The following USP42 variants were observed in gnomAD, a reference collection of about 807,000 sequenced individuals.
USP42 encodes ubiquitin carboxyl-terminal hydrolase 42.
Under a neutral mutation model 113.0 loss-of-function variants are expected in USP42, and 23 were observed. The ratio of observed to expected loss-of-function variants is 0.20; its 90% CI spans 0.15 to 0.29. USP42 has a LOEUF of 0.29. Ranked by LOEUF, USP42 falls within the 10% of genes least tolerant of loss-of-function variation. USP42 has a pLI of 1.00. For missense variants in USP42, 2,174 were observed against 1,779.8 expected, an observed-to-expected ratio of 1.22 and a Z score of -3.99; for synonymous variants, 933 against 699.0, an observed-to-expected ratio of 1.33 and a Z score of -5.28.
At chr7:6,099,693 T>A in the USP42 span, among the ~76,000 whole-genome samples, 3 of 150,346 alleles carry the variant, frequency 2.0e-5, no homozygotes, top group African/African-American at 7.5e-5. Context: ...CCGGGCACAG[T>A]GGCTCATGCC....
rs1562841491 is a variant in USP42, at chr7:6,145,574, A to G, written c.1049A>G (p.Glu350Gly). Reference sequence around the variant, plus strand: ...CCATATATGTCTCAACCCAACGGAGAGCCAATTGTCTACGTCTTGTATGCA... The same window carrying G: ...CCATATATGTCTCAACCCAACGGAGGGCCAATTGTCTACGTCTTGTATGCA... ...IRPYMSQPNG[E>G]PIVYVLYAVL... The change falls in exon 10 of 18, where the codon GAG becomes GGG. Residue 350 changes from glutamate to glycine, a missense_variant. Glu to Gly is a moderately conservative substitution (Grantham distance 98, BLOSUM62 -2). Coordinates refer to ENST00000306177, the MANE Select transcript of USP42 (RefSeq NM_032172.3). 1 of 1,613,958 alleles carries G rather than the reference A, an allele frequency of 6.2e-7. No individual in the cohort carries two copies. The highest frequency in any genetic ancestry group is 8.5e-7 in the Non-Finnish European group (1 of 1,179,880).
chr7:6,103,738 CA>C (rs398066574), upstream of USP42, among the ~76,000 whole-genome samples: 52,759 of 100,602 alleles, frequency 0.52, 13,259 homozygotes, highest in Middle Eastern at 0.73. Context: ...CCCGTCTCTA[CA>C]AAAAAAAAAA....
At chr7:6,136,527 G>A (rs1237417733) in intron 4 of USP42, among the ~76,000 whole-genome samples, 2 of 152,104 alleles carry the variant, frequency 1.3e-5, no homozygotes, top group African/African-American at 4.8e-5. Flanking sequence ...AAATCAATAT[G>A]TTAAAATAAT....
At chr7:6,130,347 GC>G (rs1336496486) in intron 3 of USP42, among the ~76,000 whole-genome samples, 9 of 152,230 alleles carry the variant, frequency 5.9e-5, no homozygotes, top group African/African-American at 2.2e-4. Flanking sequence ...GGAAGTTCCT[GC>G]TCCCCACATG....
the USP42 span, among the ~76,000 whole-genome samples, chr7:6,093,955 T>C: frequency 6.7e-6 from 1 of 148,568 alleles, no homozygotes; most frequent in Non-Finnish European, 1.5e-5. Flanking sequence ...CATGGCGCGA[T>C]GTGGGCTCAC....
chr7:6,114,969 C>T (rs1007105947), intron 2 of USP42, among the ~76,000 whole-genome samples: 4 of 151,858 alleles, frequency 2.6e-5, no homozygotes, highest in East Asian at 1.9e-4. Context: ...GGATTATAGG[C>T]GTGAGCCACT....
At position 6,160,959 on chromosome 7, in the gene USP42, T is replaced by A. The variant is rs1229301802; in HGVS notation, c.*441T>A. 6.6e-6 allele frequency: 1 copy of A among 152,666 alleles called. No individual in the cohort carries two copies. The highest frequency in any genetic ancestry group is 6.5e-5 in the Admixed American group (1 of 15,286). The allele number at this position is 152,666 out of a possible 1,614,324, so 9.5% of individuals were successfully genotyped here. A position where few individuals can be genotyped will look rare whatever the true frequency, so the allele number is the denominator to read the frequency against. The stretch of plus-strand genomic sequence containing the variant: ...GTGTATATTTAATTTAAAGACTTAT[T>A]TAAAAACTCACAAGCTCTCACCTAG... On this transcript the variant is annotated 3_prime_UTR_variant, in exon 18 of 18. Transcript: ENST00000306177.
rs752737907 is a variant in USP42 at position 6,150,118 on chromosome 7, C to G, written c.1922C>G (p.Ala641Gly). The G allele has an allele frequency of 3.1e-6, 5 of 1,612,674 alleles. No homozygotes were observed. The East Asian group carries it at 6.7e-5, about 22-fold the overall frequency. ...AGCTCCCACTCTCCCGGCCAAGATGCCGAAGATGAGGAGGCCACTCCGCAC... is the reference window on the plus strand; with the variant it reads ...AGCTCCCACTCTCCCGGCCAAGATGGCGAAGATGAGGAGGCCACTCCGCAC... ...IVSSHSPGQD[A>G]EDEEATPHEL... The change falls in exon 13 of 18, where the codon GCC becomes GGC. Residue 641 changes from alanine (A) to glycine (G), a missense_variant. Ala to Gly is a moderately conservative substitution (Grantham distance 60). Transcript: ENST00000306177.
chr7:6,102,448 T>C (rs1003295394), upstream of USP42, among the ~76,000 whole-genome samples: 3 of 149,292 alleles, frequency 2.0e-5, no homozygotes, highest in Non-Finnish European at 3.0e-5. Context: ...GAGGGACCAG[T>C]TTGTCAACAG....
At chr7:6,116,741 G>T (rs1467230133) in intron 3 of USP42, 1 of 531,626 alleles carries the variant, frequency 1.9e-6, no homozygotes, top group Non-Finnish European at 3.9e-6. Context: ...ACCTAGGGGT[G>T]TTTGTTATGC....
At chr7:6,128,681 G>C (rs1020711277) in intron 3 of USP42, among the ~76,000 whole-genome samples, 5 of 150,840 alleles carry the variant, frequency 3.3e-5, no homozygotes, top group African/African-American at 1.2e-4. Flanking sequence ...AAGACTTAAG[G>C]CTTATTCTGC....
the USP42 span, chr7:6,084,323 AG>A: frequency 6.6e-6 from 1 of 151,414 alleles, no homozygotes; most frequent in Non-Finnish European, 1.5e-5. Context: ...CACCACACCC[AG>A]CCCTGAAGAG....
Position 6,142,960 on chromosome 7 carries a change from A to G in USP42, c.824A>G (p.Glu275Gly). ...KAAQSVNKAL[E>G]QFVKPEQLDG... ...GCTCAGAGTGTCAACAAGGCATTGG[A>G]GCAGTTTGTGAAGCCGGAACAGCTT... is the stretch of plus-strand genomic sequence containing the variant. The change falls in exon 8 of 18, where the codon GAG becomes GGG. Residue 275 changes from glutamate to glycine, a missense_variant. Coordinates refer to ENST00000306177, the MANE Select transcript of USP42 (RefSeq NM_032172.3). The G allele has an allele frequency of 6.2e-7, 1 of 1,613,928 alleles. No homozygotes were observed. The highest frequency in any genetic ancestry group is 8.5e-7 in the Non-Finnish European group (1 of 1,179,874).
intron 3 of USP42, among the ~76,000 whole-genome samples, chr7:6,119,784 G>T (rs1160329214): frequency 6.6e-6 from 1 of 151,846 alleles, no homozygotes; most frequent in South Asian, 2.1e-4. Context: ...GCTCACTGCA[G>T]CCTTGACCTC....
chr7:6,154,016 C>G lies in USP42; in HGVS notation c.2462C>G (p.Pro821Arg). 1.2e-6 allele frequency: 2 copies of G among 1,604,132 alleles called. No individual in the cohort carries two copies. Among genetic ancestry groups the G allele is most frequent in the Non-Finnish European group, 1.7e-6 (2 of 1,179,154 alleles). ...ACAGCACCCCCTGACCTGTGTGATC[C>G]CGGGAGCTTAACAGGCGATGCGAGC... is the stretch of plus-strand genomic sequence containing the variant. ...GDTAPPDLCD[P>R]GSLTGDASPL... is the part of the protein sequence containing the mutation. Residue 821 changes from proline to arginine, a missense_variant, in exon 15 of 18, where the codon CCC (proline) becomes CGC (arginine). Pro to Arg is a moderately radical substitution (Grantham distance 103, BLOSUM62 -2). Transcript: ENST00000306177.
In USP42 at chr7:6,159,028, TGAG is replaced by T. The variant is rs1416111464; in HGVS notation, c.3944-418_3944-416del. 6.6e-6 allele frequency among the ~76,000 whole-genome samples: 1 copy of T among 152,186 alleles called. No homozygotes were observed. Among genetic ancestry groups the T allele is most frequent in the African/African-American group, 2.4e-5 (1 of 41,442 alleles). On this transcript the variant is annotated intron_variant, in intron 16 of 17. Transcript: ENST00000306177. The surrounding 1 kb of genome is among the most constrained non-coding windows in gnomAD (Gnocchi z 4.1). ...GCTGGCGCTTCTGCTGCGAGCAGAC[TGAG>T]GAGCCTTTCTTGTCCTTCTGAGAAG...
chr7:6,114,646 A>ATGTGTG (rs201072257), intron 2 of USP42, among the ~76,000 whole-genome samples: 1 of 87,870 alleles, frequency 1.1e-5, no homozygotes, highest in Non-Finnish European at 1.9e-5. Flanking sequence ...GTATATATGT[A>ATGTGTG]TGTGTGTGTG....
chr7:6,108,662 G>A (rs1779425189), intron 1 of USP42, among the ~76,000 whole-genome samples: 1 of 152,072 alleles, frequency 6.6e-6, no homozygotes, highest in South Asian at 2.1e-4. Context: ...TGTATTTTCA[G>A]TAGAGACAGG....
Position 6,154,712 on chromosome 7 carries a change from G to T in USP42, c.3158G>T (p.Arg1053Met), listed in dbSNP as rs757620872. The T allele has an allele frequency of 2.0e-5, 32 of 1,594,588 alleles. No individual in the cohort carries two copies. The African/African-American group carries it at 3.4e-4, about 17-fold the overall frequency. The stretch of plus-strand genomic sequence containing the variant: ...GGCCGGGAGAAGTTCTACCCCGACA[G>T]GCCGCGCTGGGACAGGTGCCGGTAC... ...GWGREKFYPD[R>M]PRWDRCRYYH... Residue 1053 changes from arginine to methionine, a missense_variant, in exon 15 of 18, where the codon AGG becomes ATG. Physicochemically the swap from Arg to Met is moderately conservative, Grantham distance 91. Coordinates refer to ENST00000306177, the MANE Select transcript of USP42 (RefSeq NM_032172.3).
Sources: gnomAD v4.1 joint callset for allele counts (sites outside exome capture counted in the v4.1 genomes callset) on GRCh38, gnomAD v4.1.1 for gene constraint, Gnocchi (gnomAD v3.1) non-coding constraint, MANE v1.5 for transcripts, NCBI Gene and HGNC (gene_info 2026-07-23, HGNC 2026-07-21) for gene names.